The following NME7 variants were observed in gnomAD, a reference collection of about 807,000 sequenced individuals.
NME7 encodes the protein NME/NM23 family member 7.
In NME7, 41 loss-of-function variants were observed where a neutral mutation model predicts 49.1. That is an observed-to-expected ratio of 0.83 (90% CI 0.65 to 1.08). The LOEUF (loss-of-function observed/expected upper bound fraction) is 1.08, where lower values mean the gene tolerates loss of function less well. Among genes scored for constraint, NME7 ranks in the 50% least tolerant of loss-of-function variants. The pLI, the probability that NME7 is intolerant of heterozygous loss-of-function variation, is 0.00. For missense variants in NME7, 423 were observed against 463.4 expected, an observed-to-expected ratio of 0.91 and a Z score of 0.80; for synonymous variants, 139 against 150.6, an observed-to-expected ratio of 0.92 and a Z score of 0.56.
chr1:169,199,345 G>A (rs2101775183), intron 10 of NME7, among the ~76,000 whole-genome samples: 1 of 151,586 alleles, frequency 6.6e-6, no homozygotes, highest in Admixed American at 6.6e-5. Flanking sequence ...TTTTACAAAT[G>A]AAGAAACTAA....
At chr1:169,314,466 A>G (rs1651531857) in intron 3 of NME7, among the ~76,000 whole-genome samples, 1 of 152,112 alleles carries the variant, frequency 6.6e-6, no homozygotes, top group African/African-American at 2.4e-5. Flanking sequence ...GATGAAAAAA[A>G]TCCTCAAGCA....
chr1:169,234,504 A>G (rs1224810586), intron 9 of NME7, among the ~76,000 whole-genome samples: 1 of 151,636 alleles, frequency 6.6e-6, no homozygotes, highest in African/African-American at 2.4e-5. Context: ...AATAAAAACA[A>G]CAATAATAGC....
intron 3 of NME7, among the ~76,000 whole-genome samples, chr1:169,311,416 C>CAAAAAAAAAAAAAAAAAAAAAA (rs34576386): frequency 1.2e-5 from 1 of 83,648 alleles, no homozygotes; most frequent in African/African-American, 4.9e-5. Context: ...GACTCCATCT[C>CAAAAAAAAAAAAAAAAAAAAAA]AAAAAAAAAA....
At chr1:169,187,131 T>C (rs556310931) in intron 10 of NME7, among the ~76,000 whole-genome samples, 35 of 152,302 alleles carry the variant, frequency 2.3e-4, no homozygotes, top group African/African-American at 8.4e-4. Context: ...GAGACTGTTA[T>C]GATTTTCGTT....
rs1345610698 is a variant in NME7, at chr1:169,274,056, G to A, written c.754+13247C>T. 2.3e-5 allele frequency among the ~76,000 whole-genome samples: 3 copies of A among 130,758 alleles called. 1 individual carries two copies. The highest frequency in any genetic ancestry group is 2.0e-4 in the East Asian group (1 of 4,962). The allele number at this position is 130,758 out of a possible 152,430, so 85.8% of individuals were successfully genotyped here. On this transcript the variant is annotated intron_variant, in intron 7 of 11. Transcript: ENST00000367811. ...GAATCGCCACACTGACTTCCACAAT[G>A]GTTGAACTAGTTTACAGTCCCACCA...
At position 169,265,088 on chromosome 1, in the gene NME7, T is replaced by C. The variant is rs2101867436; in HGVS notation, c.754+22215A>G. Among the ~76,000 whole-genome samples, 3 of 132,934 alleles carry C rather than the reference T, an allele frequency of 2.3e-5. 1 individual carries two copies. Among genetic ancestry groups the C allele is most frequent in the Non-Finnish European group, 5.3e-5 (3 of 56,598 alleles). The allele number at this position is 132,934 out of a possible 152,430, so 87.2% of individuals were successfully genotyped here. On this transcript the variant is annotated intron_variant, in intron 7 of 11. Coordinates refer to ENST00000367811, the MANE Select transcript of NME7 (RefSeq NM_013330.5). Reference sequence around the variant, plus strand: ...ATGAGAACAGCAGTGTGGGGGTAACTGCTACCAAGATTCAAATATCTCCTA... The same window carrying C: ...ATGAGAACAGCAGTGTGGGGGTAACCGCTACCAAGATTCAAATATCTCCTA...
At chr1:169,330,470 G>A (rs186982063) in intron 1 of NME7, among the ~76,000 whole-genome samples, 149 of 152,170 alleles carry the variant, frequency 9.8e-4, no homozygotes, top group Non-Finnish European at 1.9e-3. Flanking sequence ...ACGAGGTCAG[G>A]AGTTCAAGAC....
At chr1:169,328,200 AG>A (rs1237009223) in intron 1 of NME7, among the ~76,000 whole-genome samples, 1 of 151,958 alleles carries the variant, frequency 6.6e-6, no homozygotes, top group Non-Finnish European at 1.5e-5. Flanking sequence ...GGTTTTTTGG[AG>A]GGGGGGATTA....
intron 10 of NME7, among the ~76,000 whole-genome samples, chr1:169,229,583 C>G (rs1193172253): frequency 6.6e-6 from 1 of 152,138 alleles, no homozygotes; most frequent in Non-Finnish European, 1.5e-5. Flanking sequence ...TGTTGTTCTC[C>G]CCTACTGGGC....
At chr1:169,157,698 A>G (rs1407767738) in intron 11 of NME7, among the ~76,000 whole-genome samples, 3 of 152,186 alleles carry the variant, frequency 2.0e-5, no homozygotes, top group Non-Finnish European at 4.4e-5. Context: ...AAATCCATCT[A>G]GAGAGGCTAT....
At chr1:169,338,380 G>A (rs185100647) in intron 1 of NME7, among the ~76,000 whole-genome samples, 5 of 152,300 alleles carry the variant, frequency 3.3e-5, no homozygotes, top group Admixed American at 3.3e-4. Context: ...TTCCCCAACT[G>A]TGATGTTTAA....
At chr1:169,135,650 A>T (rs1658406302) in intron 11 of NME7, among the ~76,000 whole-genome samples, 1 of 152,172 alleles carries the variant, frequency 6.6e-6, no homozygotes, top group Non-Finnish European at 1.5e-5. Context: ...CTCTACACTG[A>T]GAAAGATGAT....
At chr1:169,290,229 T>A (rs1650444634) in intron 6 of NME7, among the ~76,000 whole-genome samples, 1 of 152,088 alleles carries the variant, frequency 6.6e-6, no homozygotes, top group Non-Finnish European at 1.5e-5. Flanking sequence ...GGCTAAATGG[T>A]GGCCAGTTAA....
intron 7 of NME7, among the ~76,000 whole-genome samples, chr1:169,273,016 G>C (rs551067256): frequency 7.5e-6 from 1 of 133,750 alleles, no homozygotes; most frequent in Non-Finnish European, 1.8e-5. Flanking sequence ...GTATCTCATT[G>C]TGGTTTTGAC....
intron 1 of NME7, among the ~76,000 whole-genome samples, chr1:169,356,703 G>C (rs1653478478): frequency 6.6e-6 from 1 of 152,130 alleles, no homozygotes; most frequent in Admixed American, 6.6e-5. Flanking sequence ...GTAGGGGGCA[G>C]CATCTGTGAA....
At chr1:169,192,509 T>G (rs1007550508) in intron 10 of NME7, among the ~76,000 whole-genome samples, 4 of 152,072 alleles carry the variant, frequency 2.6e-5, no homozygotes, top group African/African-American at 7.3e-5. Flanking sequence ...ACTACACTAT[T>G]TTATATCAGG....
intron 1 of NME7, among the ~76,000 whole-genome samples, chr1:169,340,766 C>T (rs187719655): frequency 4.1e-4 from 62 of 152,304 alleles, no homozygotes; most frequent in African/African-American, 1.3e-3. Flanking sequence ...AAGAGACTGG[C>T]GGCATTTTGC....
At chr1:169,165,527 G>A (rs1022755426) in intron 11 of NME7, among the ~76,000 whole-genome samples, 3 of 152,166 alleles carry the variant, frequency 2.0e-5, no homozygotes, top group Admixed American at 6.5e-5. Context: ...CCTCTTGTCC[G>A]AACATCTTTT....
At chr1:169,359,105 A>AGAC (rs1359534806) in intron 1 of NME7, among the ~76,000 whole-genome samples, 1 of 152,090 alleles carries the variant, frequency 6.6e-6, no homozygotes, top group Non-Finnish European at 1.5e-5. Context: ...CAGAATCCTT[A>AGAC]GACGCTCAAG....
Sources: gnomAD v4.1 joint callset for allele counts (sites outside exome capture counted in the v4.1 genomes callset) on GRCh38, gnomAD v4.1.1 for gene constraint, MANE v1.5 for transcripts, NCBI Gene and HGNC (gene_info 2026-07-23, HGNC 2026-07-21) for gene names.